The following DISP1 variants were observed in gnomAD, a reference collection of about 807,000 sequenced individuals.
DISP1 encodes the protein dispatched RND transporter family member 1, also known as protein dispatched homolog 1.
In DISP1, 30 loss-of-function variants were observed where a neutral mutation model predicts 37.3. That is an observed-to-expected ratio of 0.80 (90% CI 0.60 to 1.09). The LOEUF (loss-of-function observed/expected upper bound fraction) is 1.09, where lower values mean the gene tolerates loss of function less well. Among genes scored for constraint, DISP1 ranks in the 50% least tolerant of loss-of-function variants. The probability of loss-of-function intolerance (pLI) is 0.00; values close to 1 mark genes in which losing one functional copy is unlikely to be tolerated. For synonymous variants in DISP1, 634 were observed against 690.2 expected (o/e 0.92, Z 1.28); for missense variants, 1,598 against 1,879.5 (o/e 0.85, Z 2.77).
At chr1:222,990,871 C>T in intron 5 of DISP1, 123 bp downstream of exon 5, 1 of 1,348,328 alleles carries the variant, frequency 7.4e-7, no homozygotes. Context: ...CAACAATTCT[C>T]TTTCTGAAAA....
At chr1:222,949,332 T>G (rs975284593) in intron 3 of DISP1, among the ~76,000 whole-genome samples, 38 of 151,824 alleles carry the variant, frequency 2.5e-4, no homozygotes, top group Admixed American at 9.8e-4. Flanking sequence ...AGGTGGAGGT[T>G]GCAGTAAGCC....
chr1:222,936,785 A>G (rs190342801), intron 2 of DISP1, among the ~76,000 whole-genome samples: 4,090 of 66,994 alleles, frequency 0.061, 242 homozygotes, highest in Non-Finnish European at 0.073. Context: ...TATCATATAT[A>G]ATATATATAA....
chr1:222,845,863 A>G (rs560281568), intron 1 of DISP1, among the ~76,000 whole-genome samples: 1 of 152,290 alleles, frequency 6.6e-6, no homozygotes, highest in Non-Finnish European at 1.5e-5. Context: ...ACATGCTTTA[A>G]TATTCAAAAT....
intron 1 of DISP1, among the ~76,000 whole-genome samples, chr1:222,905,020 G>A (rs1671822135): frequency 2.0e-5 from 3 of 151,962 alleles, no homozygotes; most frequent in Admixed American, 2.0e-4. Flanking sequence ...TTTCAGGACT[G>A]GTTTTATTGA....
At chr1:222,854,304 A>G (rs1015069555) in intron 1 of DISP1, among the ~76,000 whole-genome samples, 1 of 152,198 alleles carries the variant, frequency 6.6e-6, no homozygotes, top group African/African-American at 2.4e-5. Flanking sequence ...ACAGTTCTGC[A>G]TGGCTGGGGA....
intron 2 of DISP1, among the ~76,000 whole-genome samples, chr1:222,939,953 G>A (rs1281833586): frequency 5.3e-5 from 8 of 151,860 alleles, no homozygotes; most frequent in African/African-American, 1.7e-4. Context: ...GTGAGATCCC[G>A]TCTCTACTAA....
intron 1 of DISP1, among the ~76,000 whole-genome samples, chr1:222,826,939 C>T (rs1193112479): frequency 6.6e-6 from 1 of 152,202 alleles, no homozygotes; most frequent in African/African-American, 2.4e-5. Context: ...AAGATTTCTA[C>T]ATATAACATT....
At chr1:222,943,606 T>G (rs1674543857) in intron 3 of DISP1, 1 of 510,574 alleles carries the variant, frequency 2.0e-6, no homozygotes, top group East Asian at 3.6e-5. Context: ...AGTTATAAAA[T>G]TCAACAAAAA....
chr1:222,942,049 A>C (rs926964348), intron 2 of DISP1, among the ~76,000 whole-genome samples: 12 of 136,546 alleles, frequency 8.8e-5, no homozygotes, highest in Admixed American at 5.3e-4. Flanking sequence ...TGGTAATTTG[A>C]GCATCTAAGG....
intron 7 of DISP1, among the ~76,000 whole-genome samples, chr1:222,992,767 G>C (rs180829926): frequency 2.0e-3 from 308 of 151,990 alleles, no homozygotes; most frequent in Admixed American, 3.8e-3. Flanking sequence ...CTGCCCTGTC[G>C]AAAGAAATCG....
At chr1:222,905,521 A>T (rs1671846669) in intron 1 of DISP1, among the ~76,000 whole-genome samples, 2 of 152,194 alleles carry the variant, frequency 1.3e-5, no homozygotes, top group African/African-American at 4.8e-5. Context: ...TTTGATTGTA[A>T]GTATATGTTG....
intron 2 of DISP1, among the ~76,000 whole-genome samples, chr1:222,934,988 C>T (rs1572545609): frequency 6.6e-6 from 1 of 152,078 alleles, no homozygotes; most frequent in East Asian, 1.9e-4. Context: ...ACTTATTTTT[C>T]TTCATTCTGC....
At chr1:222,867,385 A>G (rs1266360309) in intron 1 of DISP1, among the ~76,000 whole-genome samples, 2 of 152,292 alleles carry the variant, frequency 1.3e-5, no homozygotes, top group Non-Finnish European at 1.5e-5. Context: ...TTGTCTGTAC[A>G]TAGGTAATTA....
At chr1:222,855,768 A>T (rs1383110501) in intron 1 of DISP1, among the ~76,000 whole-genome samples, 4 of 152,142 alleles carry the variant, frequency 2.6e-5, no homozygotes, top group Non-Finnish European at 5.9e-5. Flanking sequence ...ATTTTGACTA[A>T]TTCAAATTTC....
At chr1:222,821,524 G>A (rs1662906972) in intron 1 of DISP1, among the ~76,000 whole-genome samples, 1 of 152,120 alleles carries the variant, frequency 6.6e-6, no homozygotes. Context: ...CATGGGAGTG[G>A]TTTGCCCTAT....
intron 1 of DISP1, among the ~76,000 whole-genome samples, chr1:222,896,364 G>T (rs1310731972): frequency 6.6e-6 from 1 of 152,064 alleles, no homozygotes; most frequent in Non-Finnish European, 1.5e-5. Context: ...ACTTTGGGAG[G>T]CCAAAGCAGG....
intron 1 of DISP1, among the ~76,000 whole-genome samples, chr1:222,842,242 C>T (rs570720457): frequency 5.3e-5 from 8 of 151,204 alleles, no homozygotes; most frequent in Admixed American, 1.3e-4. Context: ...TGTTTAAAGC[C>T]CTCAGGTAGC....
chr1:222,863,179 C>G (rs1247521984), intron 1 of DISP1, among the ~76,000 whole-genome samples: 1 of 151,960 alleles, frequency 6.6e-6, no homozygotes, highest in African/African-American at 2.4e-5. Flanking sequence ...TAAGTTGTAT[C>G]CACAGGGTAT....
rs1319838046 is a variant in DISP1 at position 222,887,723 on chromosome 1, C to T, written c.-158-40707C>T. Among the ~76,000 whole-genome samples, 17 of 112,412 alleles carry T rather than the reference C, an allele frequency of 1.5e-4. 1 individual carries two copies. The highest frequency in any genetic ancestry group is 5.4e-4 in the African/African-American group (17 of 31,482). 73.7% of individuals were successfully genotyped at this position (112,412 alleles called of 152,430 possible). On this transcript the variant is annotated intron_variant, in intron 1 of 8. Coordinates refer to ENST00000675850, the MANE Select transcript of DISP1 (RefSeq NM_001377229.1). ...CCTTGTTAGCCAGGATGGTCTCGATCTCCTGACCTCATGATCCACCCGCCT... is the reference window on the plus strand; with the variant it reads ...CCTTGTTAGCCAGGATGGTCTCGATTTCCTGACCTCATGATCCACCCGCCT...
Sources: gnomAD v4.1 joint callset for allele counts (sites outside exome capture counted in the v4.1 genomes callset) on GRCh38, gnomAD v4.1.1 for gene constraint, MANE v1.5 for transcripts, NCBI Gene and HGNC (gene_info 2026-07-23, HGNC 2026-07-21) for gene names.